The following MDFIC variants were observed in gnomAD, a reference collection of about 807,000 sequenced individuals.
The protein encoded by MDFIC is myoD family inhibitor domain-containing protein.
A neutral mutation model predicts 23.2 loss-of-function variants in MDFIC; 17 were observed. The observed-to-expected ratio is 0.73, with a 90% CI of 0.50 to 1.10. MDFIC has a LOEUF of 1.10. Ranked by LOEUF, MDFIC falls within the 50% of genes least tolerant of loss-of-function variation. MDFIC has a pLI of 0.00. For synonymous variants in MDFIC, 120 were observed against 115.2 expected, an observed-to-expected ratio of 1.04 and a Z score of -0.27; for missense variants, 356 against 316.6, an observed-to-expected ratio of 1.12 and a Z score of -0.95.
intron 2 of MDFIC, among the ~76,000 whole-genome samples, chr7:114,924,609 C>A (rs1792155027): frequency 6.6e-6 from 1 of 152,030 alleles, no homozygotes. Context: ...GTACAACACA[C>A]GTTATCAGTG....
intron 2 of MDFIC, among the ~76,000 whole-genome samples, chr7:114,929,037 A>G (rs148780121): frequency 0.015 from 2,276 of 149,476 alleles, 57 homozygotes; most frequent in African/African-American, 0.052. Context: ...AAAAATATAG[A>G]TATAGATCTA....
chr7:114,983,763 G>T (rs1341632514), intron 4 of MDFIC, among the ~76,000 whole-genome samples: 1 of 151,632 alleles, frequency 6.6e-6, no homozygotes, highest in Non-Finnish European at 1.5e-5. Flanking sequence ...TAGAGATGGG[G>T]TTTCACCACG....
rs1028544150 is a variant in MDFIC, at chr7:115,018,423, T to C, written c.*2488T>C. ...AATAATGTTTCTCCATAACAGAGAATGTTAATGGATACCAGAATTTTATTT... is the reference window on the plus strand; with the variant it reads ...AATAATGTTTCTCCATAACAGAGAACGTTAATGGATACCAGAATTTTATTT... On this transcript the variant is annotated 3_prime_UTR_variant, in exon 5 of 5. Coordinates refer to ENST00000393486, the MANE Select transcript of MDFIC (RefSeq NM_001166345.3). 2.6e-5 allele frequency: 4 copies of C among 152,200 alleles called. No individual in the cohort carries two copies. In the South Asian group the frequency reaches 6.2e-4, roughly 24 times the overall value. 9.4% of individuals were successfully genotyped at this position (152,200 alleles called of 1,614,324 possible).
Position 114,932,677 on chromosome 7 carries a change from G to T in MDFIC, c.94+9550G>T, listed in dbSNP as rs560256496. Among the ~76,000 whole-genome samples, 16 of 152,308 alleles carry T rather than the reference G, an allele frequency of 1.1e-4. No individual in the cohort carries two copies. The South Asian group carries it at 1.7e-3, about 16-fold the overall frequency. Reference sequence around the variant, plus strand: ...GACTGCAAAGATGGTAGAGCCAAAAGAATATAGGTTGTGGTCTTAGAGGAG... The same window carrying T: ...GACTGCAAAGATGGTAGAGCCAAAATAATATAGGTTGTGGTCTTAGAGGAG... On this transcript the variant is annotated intron_variant, in intron 2 of 4. Transcript: ENST00000393486.
intron 2 of MDFIC, among the ~76,000 whole-genome samples, chr7:114,941,454 G>A (rs756561760): frequency 6.6e-5 from 10 of 152,156 alleles, no homozygotes; most frequent in Admixed American, 1.3e-4. Context: ...GAGTTTGCCC[G>A]TGCTGTTCTT....
At chr7:114,989,386 G>T (rs1306257259) in intron 4 of MDFIC, among the ~76,000 whole-genome samples, 1 of 152,136 alleles carries the variant, frequency 6.6e-6, no homozygotes, top group Non-Finnish European at 1.5e-5. Context: ...GTTCTAGAAA[G>T]GCCAAAATTC....
chr7:114,924,125 T>A (rs1301870479), intron 2 of MDFIC, among the ~76,000 whole-genome samples: 1 of 152,224 alleles, frequency 6.6e-6, no homozygotes, highest in South Asian at 2.1e-4. Flanking sequence ...TAAACTGAAT[T>A]ACATTTATCA....
intron 3 of MDFIC, among the ~76,000 whole-genome samples, chr7:114,966,949 T>C (rs754013587): frequency 9.2e-5 from 14 of 152,164 alleles, no homozygotes; most frequent in Non-Finnish European, 1.3e-4. Context: ...TAATATTCAG[T>C]CATTCAAAAA....
chr7:114,988,981 C>T (rs1276277201), intron 4 of MDFIC, among the ~76,000 whole-genome samples: 1 of 152,074 alleles, frequency 6.6e-6, no homozygotes, highest in African/African-American at 2.4e-5. Flanking sequence ...GTGGGTTCAG[C>T]TTGTGTGCTT....
In MDFIC at chr7:114,979,651, C is replaced by G. The variant is rs756287369; in HGVS notation, c.363C>G (p.Arg121=). The G allele has an allele frequency of 1.2e-6, 2 of 1,614,038 alleles. No homozygotes were observed. Among genetic ancestry groups the G allele is most frequent in the South Asian group, 1.1e-5 (1 of 91,082 alleles). The part of the protein sequence containing the change: ...HGAKHGSADN[R]KLSAPVSQKM... ...CCAAACACGGATCCGCAGATAATCGCAAACTTTCAGCACCTGTTTCTCAAA... is the reference window on the plus strand; with the variant it reads ...CCAAACACGGATCCGCAGATAATCGGAAACTTTCAGCACCTGTTTCTCAAA... Residue 121 remains arginine, a synonymous_variant, in exon 4 of 5, where the codon CGC becomes CGG. Transcript: ENST00000393486.
At chr7:114,943,122 T>C (rs1229764153) in intron 3 of MDFIC, among the ~76,000 whole-genome samples, 1 of 152,236 alleles carries the variant, frequency 6.6e-6, no homozygotes, top group Non-Finnish European at 1.5e-5. Flanking sequence ...TCTTTTGATA[T>C]TCCCCTTTGG....
At chr7:115,002,719 A>G (rs1427277022) in intron 4 of MDFIC, among the ~76,000 whole-genome samples, 1 of 152,146 alleles carries the variant, frequency 6.6e-6, no homozygotes, top group Non-Finnish European at 1.5e-5. Flanking sequence ...TTTACCTTCC[A>G]TTCAAAGGAG....
chr7:114,949,133 C>A (rs760741611), intron 3 of MDFIC, among the ~76,000 whole-genome samples: 6 of 151,688 alleles, frequency 4.0e-5, no homozygotes, highest in Non-Finnish European at 7.4e-5. Context: ...ATTACTTTAC[C>A]TTTCACTTTT....
At chr7:114,994,537 C>A (rs962408626) in intron 4 of MDFIC, among the ~76,000 whole-genome samples, 2 of 152,178 alleles carry the variant, frequency 1.3e-5, no homozygotes, top group Non-Finnish European at 2.9e-5. Flanking sequence ...TCTTTTAGGG[C>A]AGGCCTGGTG....
chr7:114,994,974 T>C (rs1791289830), intron 4 of MDFIC, among the ~76,000 whole-genome samples: 1 of 152,206 alleles, frequency 6.6e-6, no homozygotes, highest in Non-Finnish European at 1.5e-5. Flanking sequence ...CCCTGTCACT[T>C]TCAGGTACAC....
intron 4 of MDFIC, among the ~76,000 whole-genome samples, chr7:114,988,422 A>T (rs2116008776): frequency 6.6e-6 from 1 of 152,270 alleles, no homozygotes; most frequent in South Asian, 2.1e-4. Context: ...GGTCAAACAT[A>T]ATATGTAGGC....
chr7:114,997,115 C>T (rs1054691016), intron 4 of MDFIC, among the ~76,000 whole-genome samples: 4 of 152,046 alleles, frequency 2.6e-5, no homozygotes, highest in South Asian at 2.1e-4. Flanking sequence ...GTGTTGTGAT[C>T]GGGCTAGAGT....
rs1792115254 is a variant in MDFIC, at chr7:114,922,948, C to G, written c.-86C>G. ...CCAGAAGCAGTCAGTTCCCTGCACCCAGCACCTCACAGCCCTTCCTCCGTG... is the reference window on the plus strand; with the variant it reads ...CCAGAAGCAGTCAGTTCCCTGCACCGAGCACCTCACAGCCCTTCCTCCGTG... On this transcript the variant is annotated 5_prime_UTR_variant, in exon 2 of 5. Coordinates refer to ENST00000393486, the MANE Select transcript of MDFIC (RefSeq NM_001166345.3). The G allele has an allele frequency of 3.1e-6, 5 of 1,587,680 alleles. No individual in the cohort carries two copies. In the South Asian group the frequency reaches 5.6e-5, roughly 18 times the overall value.
intron 3 of MDFIC, among the ~76,000 whole-genome samples, chr7:114,973,372 A>G (rs928333925): frequency 6.6e-6 from 1 of 152,054 alleles, no homozygotes. Context: ...CTGTGGTCAA[A>G]ACTGGTTTGC....
Sources: gnomAD v4.1 joint callset for allele counts (sites outside exome capture counted in the v4.1 genomes callset) on GRCh38, gnomAD v4.1.1 for gene constraint, MANE v1.5 for transcripts, NCBI Gene and HGNC (gene_info 2026-07-23, HGNC 2026-07-21) for gene names.